ALG12: variants seen among roughly 807,000 people sequenced by gnomAD.
ALG12 encodes ALG12 alpha-1,6-mannosyltransferase.
A neutral mutation model predicts 46.0 loss-of-function variants in ALG12; 36 were observed. That is an observed-to-expected ratio of 0.78 (90% CI 0.60 to 1.03). The LOEUF (loss-of-function observed/expected upper bound fraction) is 1.03, where lower values mean the gene tolerates loss of function less well. ALG12 is among the 50% of genes least tolerant of loss of function. The probability of loss-of-function intolerance (pLI) is 0.00; values close to 1 mark genes in which losing one functional copy is unlikely to be tolerated. For missense variants in ALG12, 599 were observed against 633.5 expected (o/e 0.95, Z 0.58); for synonymous variants, 326 against 291.6 (o/e 1.12, Z -1.20).
chr22:49,911,946 C>T (rs1439122067), intron 3 of ALG12, among the ~76,000 whole-genome samples: 1 of 147,134 alleles, frequency 6.8e-6, no homozygotes, highest in Admixed American at 6.7e-5. Flanking sequence ...AACCCCGTGC[C>T]CAACAAGGGT....
At chr22:49,911,062 C>T (rs2060573925) in intron 3 of ALG12, among the ~76,000 whole-genome samples, 1 of 152,254 alleles carries the variant, frequency 6.6e-6, no homozygotes, top group Non-Finnish European at 1.5e-5. Flanking sequence ...CCCCATTTGA[C>T]AGCAGGAGCC....
the ALG12 span, chr22:49,885,683 CT>C: frequency 6.2e-7 from 1 of 1,611,664 alleles, no homozygotes; most frequent in Non-Finnish European, 8.5e-7. Flanking sequence ...CAGCCATATT[CT>C]TTTGTAGACA....
At chr22:49,889,152 CAG>C in the ALG12 span, 2 of 167,166 alleles carry the variant, frequency 1.2e-5, no homozygotes, top group East Asian at 3.8e-4. Context: ...TGGAATGCAA[CAG>C]AGATTTCCGT....
At chr22:49,859,645 C>T in the ALG12 span, among the ~76,000 whole-genome samples, 6 of 152,282 alleles carry the variant, frequency 3.9e-5, no homozygotes, top group African/African-American at 9.6e-5. Context: ...GCCCTGTTCG[C>T]GGACACAGCT....
chr22:49,909,805 G>A (rs2060564841), intron 5 of ALG12, 89 bp downstream of exon 5: 2 of 1,529,930 alleles, frequency 1.3e-6, no homozygotes, highest in East Asian at 2.3e-5. Context: ...TTATTTCATG[G>A]GGATGAAAAC....
the ALG12 span, among the ~76,000 whole-genome samples, chr22:49,865,419 C>T: frequency 9.6e-3 from 1,461 of 151,844 alleles, 9 homozygotes; most frequent in East Asian, 0.022. Context: ...GGGGCTAAGG[C>T]GGGCGGAACT....
chr22:49,868,182 T>C, the ALG12 span, among the ~76,000 whole-genome samples: 1 of 152,274 alleles, frequency 6.6e-6, no homozygotes, highest in East Asian at 1.9e-4. Flanking sequence ...TTTTTGTTGT[T>C]GTTGATAACA....
rs905175658 is a variant in ALG12 at position 49,913,835 on chromosome 22, C to G, written c.-70G>C. The G allele has an allele frequency of 6.3e-7, 1 of 1,592,024 alleles. No homozygotes were observed. Among genetic ancestry groups the G allele is most frequent in the African/African-American group, 1.3e-5 (1 of 74,544 alleles). ...GACACCAGCCGTTAGCACTGCCACTCCACGCATGCTGGAAAAGTGGAAACA... is the reference window on the plus strand; with the variant it reads ...GACACCAGCCGTTAGCACTGCCACTGCACGCATGCTGGAAAAGTGGAAACA... On this transcript the variant is annotated 5_prime_UTR_variant, in exon 2 of 10. Transcript: ENST00000330817.
At chr22:49,915,495 C>T (rs1009906543) in intron 1 of ALG12, among the ~76,000 whole-genome samples, 3 of 151,266 alleles carry the variant, frequency 2.0e-5, no homozygotes, top group Non-Finnish European at 2.9e-5. Flanking sequence ...AGGCAGAGGC[C>T]GCAGTGAGCC....
At chr22:49,883,973 A>C in the ALG12 span, 1 of 1,613,560 alleles carries the variant, frequency 6.2e-7, no homozygotes, top group Non-Finnish European at 8.5e-7. Flanking sequence ...GCCGTGACCC[A>C]GAGCCTCCTT....
the ALG12 span, chr22:49,885,838 G>A: frequency 3.9e-6 from 6 of 1,521,690 alleles, no homozygotes; most frequent in Non-Finnish European, 5.5e-6. Flanking sequence ...AGCTGAGAGT[G>A]GTGTGATCCA....
In ALG12 at chr22:49,909,323, T is replaced by A; in HGVS notation, c.689A>T (p.Tyr230Phe). Reference protein sequence around the residue: ...CLGLTVAVDSYFWRQLTWPEG... With the variant: ...CLGLTVAVDSFFWRQLTWPEG... ...CGGCCAAGTGAGCTGCCGCCAAAAA[T>A]AAGAGTCCACAGCAACCGTCAGTCC... Residue 230 changes from tyrosine (Y) to phenylalanine (F), a missense_variant, in exon 6 of 10, where the codon TAT becomes TTT. By Grantham distance (22) the Tyr-to-Phe change is conservative. Transcript: ENST00000330817. The A allele has an allele frequency of 1.2e-6, 2 of 1,614,140 alleles. No homozygotes were observed. Among genetic ancestry groups the A allele is most frequent in the Non-Finnish European group, 1.7e-6 (2 of 1,180,024 alleles).
the ALG12 span, among the ~76,000 whole-genome samples, chr22:49,872,831 G>A: frequency 1.3e-5 from 2 of 151,646 alleles, no homozygotes; most frequent in South Asian, 4.2e-4. Context: ...TCAGCCTCCC[G>A]AGTAGCTGGG....
the ALG12 span, among the ~76,000 whole-genome samples, chr22:49,871,753 A>ATT: frequency 1.1e-4 from 5 of 46,734 alleles, no homozygotes; most frequent in East Asian, 2.1e-3. Context: ...TTATTTATTT[A>ATT]TTTATTTTTT....
At chr22:49,868,267 G>A in the ALG12 span, among the ~76,000 whole-genome samples, 2 of 152,178 alleles carry the variant, frequency 1.3e-5, no homozygotes, top group Non-Finnish European at 2.9e-5. Context: ...ATAAAATATA[G>A]GCAGTGTTAC....
At chr22:49,917,780 G>A (rs1372278647) in intron 1 of ALG12, among the ~76,000 whole-genome samples, 1 of 149,588 alleles carries the variant, frequency 6.7e-6, no homozygotes, top group African/African-American at 2.5e-5. Context: ...AAATCCAGAC[G>A]CTGCACGTTT....
chr22:49,876,389 A>T, the ALG12 span, among the ~76,000 whole-genome samples: 183 of 152,278 alleles, frequency 1.2e-3, 1 homozygote, highest in Non-Finnish European at 8.8e-4. Flanking sequence ...TCCATCCGTG[A>T]TGGTGACTTA....
the ALG12 span, chr22:49,886,516 TC>T: frequency 6.4e-7 from 1 of 1,569,302 alleles, no homozygotes; most frequent in Non-Finnish European, 8.6e-7. This position sits in a 1 kb window ranked among gnomAD's most constrained non-coding sequence, Gnocchi z 7.7. Context: ...CACGCAGATG[TC>T]CACCCTCAGC....
chr22:49,875,026 A>G, the ALG12 span, among the ~76,000 whole-genome samples: 1 of 152,096 alleles, frequency 6.6e-6, no homozygotes, highest in East Asian at 1.9e-4. Context: ...TATTCCTGTG[A>G]TGAATCATGA....
Sources: allele counts gnomAD v4.1 joint callset (sites outside exome capture counted in the v4.1 genomes callset), GRCh38; gene constraint gnomAD v4.1.1; non-coding constraint Gnocchi (gnomAD v3.1); transcripts MANE v1.5; gene names NCBI Gene and HGNC (gene_info 2026-07-23, HGNC 2026-07-21).